PKNOX2: variants seen among roughly 807,000 people sequenced by gnomAD.
PKNOX2 encodes PBX/knotted 1 homeobox 2.
A neutral mutation model predicts 53.1 loss-of-function variants in PKNOX2; 14 were observed. The ratio of observed to expected loss-of-function variants is 0.26; its 90% CI spans 0.17 to 0.41. The LOEUF (loss-of-function observed/expected upper bound fraction) is 0.41, where lower values mean the gene tolerates loss of function less well. PKNOX2 is among the 10% of genes least tolerant of loss of function. PKNOX2 has a pLI of 1.00. For missense variants in PKNOX2, 496 were observed against 602.8 expected (o/e 0.82, Z 1.85); for synonymous variants, 257 against 242.8 (o/e 1.06, Z -0.54).
intron 6 of PKNOX2, among the ~76,000 whole-genome samples, chr11:125,392,049 C>G (rs993573828): frequency 6.6e-6 from 1 of 152,148 alleles, no homozygotes; most frequent in Admixed American, 6.5e-5. Context: ...GCAAAAAAGA[C>G]CCTTGGAGTT....
rs114966451 is a variant in PKNOX2 at position 125,339,951 on chromosome 11, C to T, written c.-23+8026C>T. ...TCCACGATGAAGACTCAAGATTTGCCGCTTTCAGCTCGCTTAACGTTTTCC... is the reference window on the plus strand; with the variant it reads ...TCCACGATGAAGACTCAAGATTTGCTGCTTTCAGCTCGCTTAACGTTTTCC... On this transcript the variant is annotated intron_variant, in intron 3 of 12. Transcript: ENST00000298282. Among the ~76,000 whole-genome samples, 337 of 152,334 alleles carry T rather than the reference C, an allele frequency of 2.2e-3. 2 individuals are homozygous for T. The highest frequency in any genetic ancestry group is 7.7e-3 in the African/African-American group (322 of 41,566).
intron 7 of PKNOX2, among the ~76,000 whole-genome samples, chr11:125,403,809 G>C (rs1260736679): frequency 1.3e-5 from 2 of 152,218 alleles, no homozygotes; most frequent in East Asian, 3.8e-4. Context: ...ATTTGGATTT[G>C]CTAGTAGACT....
rs553016861 is a variant in PKNOX2, at chr11:125,188,656, C to T, written c.-201+23880C>T. Among the ~76,000 whole-genome samples the T allele has an allele frequency of 1.0e-3, 152 of 152,184 alleles. 1 individual carries two copies. The highest frequency in any genetic ancestry group is 1.5e-3 in the Non-Finnish European group (101 of 68,020). On this transcript the variant is annotated intron_variant, in intron 1 of 12. Coordinates refer to ENST00000298282, the MANE Select transcript of PKNOX2 (RefSeq NM_001382323.2). ...CAACTTTTGTCCTATTGCAAACCCC[C>T]GTGCTGTTAACTCGGTGGTAATCAA...
At chr11:125,242,923 T>C (rs1161843265) in intron 2 of PKNOX2, among the ~76,000 whole-genome samples, 1 of 152,208 alleles carries the variant, frequency 6.6e-6, no homozygotes, top group African/African-American at 2.4e-5. Flanking sequence ...AGTGAAGGAT[T>C]GAACAAGTGT....
intron 6 of PKNOX2, among the ~76,000 whole-genome samples, chr11:125,390,081 C>G (rs1043435633): frequency 3.3e-5 from 5 of 152,154 alleles, no homozygotes; most frequent in African/African-American, 9.7e-5. Flanking sequence ...TAGACAGGAG[C>G]AGAAAATCCC....
chr11:125,393,038 G>C (rs893626843), intron 6 of PKNOX2, among the ~76,000 whole-genome samples: 1 of 151,800 alleles, frequency 6.6e-6, no homozygotes, highest in African/African-American at 2.4e-5. Context: ...GGTGGCGGGC[G>C]TGGTCCCAGC....
At chr11:125,380,472 C>G (rs1422776540) in intron 5 of PKNOX2, among the ~76,000 whole-genome samples, 5 of 152,038 alleles carry the variant, frequency 3.3e-5, no homozygotes, top group African/African-American at 9.7e-5. Context: ...AGGAGGTGAG[C>G]TCTTATGGAG....
chr11:125,262,290 G>A (rs1047530221), intron 2 of PKNOX2, among the ~76,000 whole-genome samples: 7 of 152,188 alleles, frequency 4.6e-5, no homozygotes, highest in African/African-American at 1.4e-4. Context: ...GAGAGGTGGG[G>A]ACGAAGGTCA....
rs75723027 is a variant in PKNOX2, at chr11:125,406,896, G to A, written c.589-3300G>A. Among the ~76,000 whole-genome samples the A allele has an allele frequency of 5.9e-3, 724 of 122,074 alleles. 5 individuals carry two copies. Among genetic ancestry groups the A allele is most frequent in the African/African-American group, 0.021 (665 of 31,508 alleles). 80.1% of individuals were successfully genotyped at this position (122,074 alleles called of 152,430 possible). A position where few individuals can be genotyped will look rare whatever the true frequency, so the allele number is the denominator to read the frequency against. On this transcript the variant is annotated intron_variant, in intron 7 of 12. Transcript: ENST00000298282. Reference sequence around the variant, plus strand: ...GATGATGGGTGAGGGTCTTGACCCAGTGGCCCTGAGAATCTATGTCTAAAA... The same window carrying A: ...GATGATGGGTGAGGGTCTTGACCCAATGGCCCTGAGAATCTATGTCTAAAA...
chr11:125,295,468 G>A (rs1276200570), intron 2 of PKNOX2, among the ~76,000 whole-genome samples: 1 of 152,232 alleles, frequency 6.6e-6, no homozygotes, highest in Non-Finnish European at 1.5e-5. Context: ...ATGTGTGTGT[G>A]TGCCTGTGCG....
intron 2 of PKNOX2, among the ~76,000 whole-genome samples, chr11:125,305,197 C>T (rs1948350834): frequency 6.6e-6 from 1 of 152,168 alleles, no homozygotes; most frequent in Admixed American, 6.5e-5. Context: ...AGAAAGAGCT[C>T]TTAAGAGATT....
rs1951351772 is a variant in PKNOX2, at chr11:125,352,001, T to C, written c.87+609T>C. Among the ~76,000 whole-genome samples the C allele has an allele frequency of 6.6e-6, 1 of 151,990 alleles. No individual in the cohort carries two copies. Among genetic ancestry groups the C allele is most frequent in the South Asian group, 2.1e-4 (1 of 4,802 alleles). On this transcript the variant is annotated intron_variant, in intron 4 of 12. Transcript: ENST00000298282. The surrounding 1 kb of genome is among the most constrained non-coding windows in gnomAD (Gnocchi z 4.1). ...CAGACACAGCCGCCCCCCAAGATCT[T>C]CTGCGCTCCCCACCCCGATTGCCTC...
intron 2 of PKNOX2, among the ~76,000 whole-genome samples, chr11:125,268,506 T>C (rs962886778): frequency 3.9e-5 from 6 of 152,218 alleles, no homozygotes; most frequent in African/African-American, 1.4e-4. Flanking sequence ...AGCAGTTTGC[T>C]CACCTGCTTA....
chr11:125,235,130 T>C lies in PKNOX2; in HGVS notation c.-130+15T>C, dbSNP rs1445665872. On this transcript the variant is annotated intron_variant, in intron 2 of 12. Transcript: ENST00000298282. ...GGCTGTGAACTGTAAGTAACTTTGA[T>C]TGGCGTTTTCCATGCTGACTCAATA... 1 of 152,680 alleles carries C rather than the reference T, an allele frequency of 6.5e-6. No individual in the cohort carries two copies. Among genetic ancestry groups the C allele is most frequent in the Non-Finnish European group, 1.5e-5 (1 of 68,070 alleles). 9.5% of individuals were successfully genotyped at this position (152,680 alleles called of 1,614,324 possible). A position where few individuals can be genotyped will look rare whatever the true frequency, so the allele number is the denominator to read the frequency against.
intron 2 of PKNOX2, among the ~76,000 whole-genome samples, chr11:125,244,023 A>C (rs1943372766): frequency 6.6e-6 from 1 of 152,190 alleles, no homozygotes; most frequent in African/African-American, 2.4e-5. Context: ...AAGTGGATGA[A>C]TGGATGGAAG....
At chr11:125,216,318 G>A (rs539539326) in intron 1 of PKNOX2, among the ~76,000 whole-genome samples, 1 of 152,300 alleles carries the variant, frequency 6.6e-6, no homozygotes, top group East Asian at 1.9e-4. Flanking sequence ...GCCACGGTGT[G>A]ACCCTGGGCC....
Position 125,196,916 on chromosome 11 carries a change from G to A in PKNOX2, c.-201+32140G>A, listed in dbSNP as rs573466459. Among the ~76,000 whole-genome samples the A allele has an allele frequency of 3.9e-5, 6 of 152,290 alleles. No individual in the cohort carries two copies. The South Asian group carries it at 8.3e-4, about 21-fold the overall frequency. On this transcript the variant is annotated intron_variant, in intron 1 of 12. Transcript: ENST00000298282. ...GAAGAGGCCTTTGTAGTAGTGCCTG[G>A]TATGCGGGTATGAAGAAGGTACTTC...
At chr11:125,262,989 T>A (rs565849373) in intron 2 of PKNOX2, among the ~76,000 whole-genome samples, 1 of 152,206 alleles carries the variant, frequency 6.6e-6, no homozygotes, top group Non-Finnish European at 1.5e-5. Flanking sequence ...TAAATGCTGC[T>A]GTCTGCACGG....
chr11:125,335,473 G>A (rs1334121133), intron 3 of PKNOX2, among the ~76,000 whole-genome samples: 1 of 152,048 alleles, frequency 6.6e-6, no homozygotes, highest in Non-Finnish European at 1.5e-5. Flanking sequence ...CTGACATCCT[G>A]TAGTCCTTGG....
Sources: allele counts gnomAD v4.1 joint callset (sites outside exome capture counted in the v4.1 genomes callset), GRCh38; gene constraint gnomAD v4.1.1; non-coding constraint Gnocchi (gnomAD v3.1); transcripts MANE v1.5; gene names NCBI Gene and HGNC (gene_info 2026-07-23, HGNC 2026-07-21).